Variants in VPS11 observed in about 807,000 individuals in gnomAD.
VPS11 encodes the protein VPS11 core subunit of CORVET and HOPS complexes.
In VPS11, 51 loss-of-function variants were observed where a neutral mutation model predicts 106.8. The ratio of observed to expected loss-of-function variants is 0.48; its 90% CI spans 0.38 to 0.60. VPS11 has a LOEUF of 0.60. VPS11 is among the 20% of genes least tolerant of loss of function. The probability of loss-of-function intolerance (pLI) is 0.00; values close to 1 mark genes in which losing one functional copy is unlikely to be tolerated. For missense variants in VPS11, 950 were observed against 1,190.0 expected (o/e 0.80, Z 2.97); for synonymous variants, 453 against 458.7 (o/e 0.99, Z 0.16).
chr11:119,072,796 T>A, intron 5 of VPS11: 1 of 167,854 alleles, frequency 6.0e-6, no homozygotes, highest in Non-Finnish European at 1.3e-5. Context: ...GCAAGTTTTC[T>A]GTTTTGTTTT....
intron 6 of VPS11, 91 bp from the exon 7 acceptor site, chr11:119,073,709 G>T: frequency 7.1e-7 from 1 of 1,413,214 alleles, no homozygotes; most frequent in East Asian, 2.3e-5. Flanking sequence ...AGAAATCCAG[G>T]ACTTTCTGTT....
In VPS11 at chr11:119,081,886, C is replaced by G. The variant is rs1245592115; in HGVS notation, c.*263C>G. On this transcript the variant is annotated 3_prime_UTR_variant, in exon 16 of 16. Transcript: ENST00000621676. ...AGCAACCTCTGAGTGTGGACAATAG[C>G]TGCTTTCTTCTCTATCCAAGAGCAC... The G allele has an allele frequency of 6.3e-6, 3 of 478,734 alleles. No homozygotes were observed. Among genetic ancestry groups the G allele is most frequent in the Admixed American group, 3.7e-5 (1 of 27,142 alleles). The allele number at this position is 478,734 out of a possible 1,614,324, so 29.7% of individuals were successfully genotyped here. A position where few individuals can be genotyped will look rare whatever the true frequency, so the allele number is the denominator to read the frequency against.
Position 119,073,782 on chromosome 11 carries a change from ATC to A in VPS11, c.1087-12_1087-11del, listed in dbSNP as rs782633495. The A allele has an allele frequency of 1.9e-6, 3 of 1,593,672 alleles. No homozygotes were observed. The highest frequency in any genetic ancestry group is 1.1e-5 in the South Asian group (1 of 90,676). On this transcript the variant is annotated splice_polypyrimidine_tract_variant and intron_variant, in intron 6 of 15. Transcript: ENST00000621676. ...CAGGACCACTTCTACCAATTTTCTA[ATC>A]TCTCTTCCCTTCTAGATGCTGTTTA...
At position 119,078,818 on chromosome 11, in the gene VPS11, A is replaced by C. The variant is rs781919384; in HGVS notation, c.2087A>C (p.His696Pro). The C allele has an allele frequency of 3.1e-6, 5 of 1,613,740 alleles. No homozygotes were observed. The highest frequency in any genetic ancestry group is 1.7e-6 in the Non-Finnish European group (2 of 1,179,774). Residue 696 changes from histidine (H) to proline (P), a missense_variant, in exon 13 of 16, where the codon CAC becomes CCC. By Grantham distance (77) the His-to-Pro change is moderately conservative. Around this residue, in one of 3 missense-constraint regions of VPS11, gnomAD observed 453 missense variants for 514.6 expected, o/e 0.88. Transcript: ENST00000621676. ...AGGTTCCAGCAGATCATGCACTACC[A>C]CATGCAGCACGAGCAGTACCGGCAG... ...GKLFQQIMHY[H>P]MQHEQYRQVI...
chr11:119,072,277 T>G (rs138911128), intron 5 of VPS11: 2 of 171,322 alleles, frequency 1.2e-5, no homozygotes, highest in Admixed American at 1.1e-4. Context: ...GTGACACTTA[T>G]AGCTAGAGTT....
rs1187361245 is a variant in VPS11 at position 119,078,782 on chromosome 11, G to A, written c.2064-13G>A. On this transcript the variant is annotated splice_polypyrimidine_tract_variant and intron_variant, in intron 12 of 15. Coordinates refer to ENST00000621676, the MANE Select transcript of VPS11 (RefSeq NM_021729.6). ...GAGACAGCCACTGAGGTGTGCCCTTGCCCCGGCCGCAGGTTCCAGCAGATC... is the reference window on the plus strand; with the variant it reads ...GAGACAGCCACTGAGGTGTGCCCTTACCCCGGCCGCAGGTTCCAGCAGATC... 3 of 1,611,698 alleles carry A rather than the reference G, an allele frequency of 1.9e-6. No homozygotes were observed. The highest frequency in any genetic ancestry group is 2.5e-6 in the Non-Finnish European group (3 of 1,178,872).
chr11:119,078,930 C>G lies in VPS11; in HGVS notation c.2199C>G (p.Asp733Glu), dbSNP rs1375615911. 6.2e-7 allele frequency: 1 copy of G among 1,614,036 alleles called. No homozygotes were observed. Among genetic ancestry groups the G allele is most frequent in the African/African-American group, 1.3e-5 (1 of 75,056 alleles). The change falls in exon 13 of 16, where the codon GAC becomes GAG. Residue 733 changes from aspartate (D) to glutamate (E), a missense_variant. Coordinates refer to ENST00000621676, the MANE Select transcript of VPS11 (RefSeq NM_021729.6). The stretch of plus-strand genomic sequence containing the variant: ...GCTACTTCGCTCGCAAGGAGGAGGA[C>G]TGCAAGGAGTATGTGGCAGCTGTCC... ...ALSYFARKEE[D>E]CKEYVAAVLK...
At chr11:119,072,423 C>T in intron 5 of VPS11, 1 of 155,588 alleles carries the variant, frequency 6.4e-6, no homozygotes, top group Non-Finnish European at 1.4e-5. Flanking sequence ...TGGAGTCTCG[C>T]TCTATTGCCC....
intron 14 of VPS11, 130 bp from the exon 15 acceptor site, chr11:119,080,962 A>G (rs1461391167): frequency 6.4e-6 from 5 of 775,486 alleles, no homozygotes; most frequent in African/African-American, 1.7e-5. Flanking sequence ...CGATAAGAAG[A>G]GCAGGGCAGG....
intron 3 of VPS11, 112 bp downstream of exon 3, chr11:119,069,689 C>A: frequency 6.9e-7 from 1 of 1,455,920 alleles, no homozygotes; most frequent in Non-Finnish European, 9.4e-7. Context: ...TGAACTGAGG[C>A]CTTTGCGATA....
At chr11:119,078,365 G>A (rs782015491) in intron 11 of VPS11, 31 bp downstream of exon 11, 2 of 1,602,004 alleles carry the variant, frequency 1.2e-6, no homozygotes, top group Admixed American at 3.3e-5. Flanking sequence ...CAGGAGAAAA[G>A]ACAGTTCGTG....
rs1396827940 is a variant in VPS11 at position 119,079,161 on chromosome 11, A to C, written c.2299A>C (p.Thr767Pro). Residue 767 changes from threonine (T) to proline (P), a missense_variant, in exon 14 of 16, where the codon ACA becomes CCA. Physicochemically the swap from Thr to Pro is conservative, Grantham distance 38. Coordinates refer to ENST00000621676, the MANE Select transcript of VPS11 (RefSeq NM_021729.6). ...VQTLAHNSTA[T>P]LSVIRDYLVQ... ...GACCCTGGCCCACAACTCCACAGCCACACTCTCCGTCATCAGGGACTACCT... is the reference window on the plus strand; with the variant it reads ...GACCCTGGCCCACAACTCCACAGCCCCACTCTCCGTCATCAGGGACTACCT... The C allele has an allele frequency of 1.2e-6, 2 of 1,613,940 alleles. No homozygotes were observed. The highest frequency in any genetic ancestry group is 1.7e-6 in the Non-Finnish European group (2 of 1,179,866).
At chr11:119,071,122 G>T (rs1195433544) in intron 4 of VPS11, among the ~76,000 whole-genome samples, 1 of 151,634 alleles carries the variant, frequency 6.6e-6, no homozygotes, top group East Asian at 1.9e-4. Flanking sequence ...AGATATGGGG[G>T]TTTCACCATG....
At chr11:119,072,188 A>G (rs1945421371) in intron 5 of VPS11, 2 of 240,738 alleles carry the variant, frequency 8.3e-6, no homozygotes, top group South Asian at 1.1e-4. Context: ...CTGGTGTCAG[A>G]CTCCTGACCT....
chr11:119,069,147 G>T, intron 1 of VPS11, 49 bp from the exon 2 acceptor site: 1 of 1,608,632 alleles, frequency 6.2e-7, no homozygotes, highest in South Asian at 1.1e-5. Flanking sequence ...GTTCTGGTCT[G>T]AATGTAAGTA....
At position 119,069,188 on chromosome 11, in the gene VPS11, C is replaced by A. The variant is rs782639246; in HGVS notation, c.188-8C>A. ...CCTTGGAAAGGAGGCTCCTTGACTACCCTGCACATATGGAAGGCCAGATCT... is the reference window on the plus strand; with the variant it reads ...CCTTGGAAAGGAGGCTCCTTGACTAACCTGCACATATGGAAGGCCAGATCT... On this transcript the variant is annotated splice_region_variant and splice_polypyrimidine_tract_variant and intron_variant, in intron 1 of 15. Transcript: ENST00000621676. The A allele has an allele frequency of 2.5e-6, 4 of 1,613,832 alleles. No individual in the cohort carries two copies. The highest frequency in any genetic ancestry group is 2.5e-6 in the Non-Finnish European group (3 of 1,179,884).
intron 1 of VPS11, 21 bp from the exon 2 acceptor site, chr11:119,069,175 G>C: frequency 6.2e-7 from 1 of 1,612,986 alleles, no homozygotes; most frequent in Non-Finnish European, 8.5e-7. Flanking sequence ...TTGGAAAGGA[G>C]GCTCCTTGAC....
In VPS11 at chr11:119,081,544, C is replaced by T. The variant is rs572702590; in HGVS notation, c.2747C>T (p.Pro916Leu). The T allele has an allele frequency of 1.2e-6, 2 of 1,614,030 alleles. No homozygotes were observed. The highest frequency in any genetic ancestry group is 1.1e-5 in the South Asian group (1 of 91,090). Residue 916 changes from proline (P) to leucine (L), a missense_variant, in exon 16 of 16, where the codon CCT (proline) becomes CTT (leucine). This residue lies in a region of VPS11 where 453 missense variants were observed against 514.6 expected (regional missense o/e 0.88). Transcript: ENST00000621676. The stretch of plus-strand genomic sequence containing the variant: ...AACAAATTGACTCTGCTGACCGACC[C>T]TCCCACAGCCAGACTGACCTCCAGC... ...VFNKLTLLTD[P>L]PTARLTSSLE...
chr11:119,077,199 G>A, intron 8 of VPS11, 116 bp downstream of exon 8: 1 of 1,293,518 alleles, frequency 7.7e-7, no homozygotes, highest in Non-Finnish European at 1.1e-6. Context: ...ACCTTATTTA[G>A]AGGAGTGGCT....
Sources: gnomAD v4.1 joint callset for allele counts (sites outside exome capture counted in the v4.1 genomes callset) on GRCh38, gnomAD v4.1.1 for gene constraint, gnomAD v4.1.1 regional missense constraint, MANE v1.5 for transcripts, NCBI Gene and HGNC (gene_info 2026-07-23, HGNC 2026-07-21) for gene names.